Variants in TANC2 observed in about 807,000 individuals in gnomAD.
The protein encoded by TANC2 is protein TANC2.
In TANC2, 26 loss-of-function variants were observed where a neutral mutation model predicts 210.5. That is an observed-to-expected ratio of 0.12 (90% CI 0.09 to 0.17). The LOEUF is 0.17. TANC2 is among the 10% of genes least tolerant of loss of function. The pLI is 1.00. For synonymous variants in TANC2, 931 were observed against 967.1 expected, an observed-to-expected ratio of 0.96 and a Z score of 0.69; for missense variants, 2,129 against 2,608.9, an observed-to-expected ratio of 0.82 and a Z score of 4.01.
intron 2 of TANC2, among the ~76,000 whole-genome samples, chr17:63,055,622 G>A (rs541018651): frequency 1.6e-4 from 24 of 150,822 alleles, no homozygotes; most frequent in African/African-American, 5.6e-4. Flanking sequence ...TGTACTCTGG[G>A]GTAATCAGTA....
chr17:63,174,877 T>C (rs2040524420), intron 5 of TANC2, among the ~76,000 whole-genome samples: 1 of 152,202 alleles, frequency 6.6e-6, no homozygotes, highest in South Asian at 2.1e-4. Context: ...CAATTTAATT[T>C]ACAACAGCAT....
intron 3 of TANC2, chr17:63,088,707 T>G (rs1247890040): frequency 6.6e-6 from 1 of 152,238 alleles, no homozygotes; most frequent in Non-Finnish European, 1.5e-5. Flanking sequence ...TGAAGAAATT[T>G]ACACACTGAT....
intron 8 of TANC2, among the ~76,000 whole-genome samples, chr17:63,256,584 T>C (rs1379197273): frequency 6.6e-6 from 1 of 152,216 alleles, no homozygotes; most frequent in Non-Finnish European, 1.5e-5. Flanking sequence ...TTGGATGAAA[T>C]GTTCTGTAAA....
intron 1 of TANC2, among the ~76,000 whole-genome samples, chr17:62,994,560 A>C (rs961318641): frequency 1.3e-4 from 20 of 152,198 alleles, no homozygotes; most frequent in South Asian, 8.3e-4. Flanking sequence ...TTTCTTTTTT[A>C]ATCATGAAAG....
chr17:63,124,241 C>T (rs915211171), intron 4 of TANC2, among the ~76,000 whole-genome samples: 4 of 151,440 alleles, frequency 2.6e-5, no homozygotes, highest in Admixed American at 6.6e-5. Context: ...TATCTGTTCT[C>T]GGGGATCAAG....
chr17:63,195,235 A>T (rs1170625617), intron 6 of TANC2, among the ~76,000 whole-genome samples: 1 of 152,070 alleles, frequency 6.6e-6, no homozygotes, highest in Non-Finnish European at 1.5e-5. Context: ...TTTACTTGAA[A>T]TTTGTATATT....
At position 63,100,853 on chromosome 17, in the gene TANC2, A is replaced by C. The variant is rs1447468096; in HGVS notation, c.322+1496A>C. The stretch of plus-strand genomic sequence containing the variant: ...ATAACATACCTAATATCACAGAGGT[A>C]TTGTAGTGAAGCAGTAATGCAGAGT... On this transcript the variant is annotated intron_variant, in intron 4 of 27. Transcript: ENST00000689528. 4.6e-5 allele frequency among the ~76,000 whole-genome samples: 7 copies of C among 152,202 alleles called. No homozygotes were observed. In the South Asian group the frequency reaches 1.4e-3, roughly 31 times the overall value.
chr17:63,191,620 A>G (rs1409116405), intron 5 of TANC2, among the ~76,000 whole-genome samples: 1 of 151,134 alleles, frequency 6.6e-6, no homozygotes, highest in Non-Finnish European at 1.5e-5. Flanking sequence ...GCGCCACCAC[A>G]CCCAGCCAAT....
At chr17:63,399,648 T>C (rs1318166453) in intron 19 of TANC2, among the ~76,000 whole-genome samples, 2 of 152,202 alleles carry the variant, frequency 1.3e-5, no homozygotes, top group African/African-American at 4.8e-5. Flanking sequence ...ACCCCAGATA[T>C]GTGTGATATT....
rs374773640 is a variant in TANC2, at chr17:63,078,223, C to T, written c.139+4209C>T. Among the ~76,000 whole-genome samples, 8 of 152,074 alleles carry T rather than the reference C, an allele frequency of 5.3e-5. No homozygotes were observed. The East Asian group carries it at 9.6e-4, about 18-fold the overall frequency. ...ATAGGACTATTAAAATTATGTGTTT[C>T]TTCTTGAGAAACATTTTAATATCTG... On this transcript the variant is annotated intron_variant, in intron 3 of 27. Coordinates refer to ENST00000689528, the Ensembl canonical transcript of TANC2.
intron 5 of TANC2, among the ~76,000 whole-genome samples, chr17:63,159,439 A>G (rs544366951): frequency 6.6e-6 from 1 of 152,324 alleles, no homozygotes; most frequent in South Asian, 2.1e-4. Flanking sequence ...ATAAGAAAAT[A>G]TACATAATCC....
chr17:63,144,988 C>T (rs1014002869), intron 4 of TANC2, among the ~76,000 whole-genome samples: 1 of 151,710 alleles, frequency 6.6e-6, no homozygotes, highest in Non-Finnish European at 1.5e-5. Flanking sequence ...CTACCCTGTG[C>T]CAAAATGTCA....
In TANC2 at chr17:63,299,731, T is replaced by A. The variant is rs1290960860; in HGVS notation, c.1160-14657T>A. On this transcript the variant is annotated intron_variant, in intron 9 of 27. Coordinates refer to ENST00000689528, the Ensembl canonical transcript of TANC2. ...CAAATAGTTTCTCCCATTCTGTAGATTGCCTGTTCACTCTGATGATGGTTT... is the reference window on the plus strand; with the variant it reads ...CAAATAGTTTCTCCCATTCTGTAGAATGCCTGTTCACTCTGATGATGGTTT... Among the ~76,000 whole-genome samples the A allele has an allele frequency of 3.3e-5, 5 of 152,294 alleles. No homozygotes were observed. In the South Asian group the frequency reaches 1.0e-3, roughly 32 times the overall value.
In TANC2 at chr17:63,421,176, A is replaced by G. The variant is rs755826725; in HGVS notation, c.5446A>G (p.Lys1816Glu). 5 of 1,614,000 alleles carry G rather than the reference A, an allele frequency of 3.1e-6. No homozygotes were observed. Among genetic ancestry groups the G allele is most frequent in the Non-Finnish European group, 4.2e-6 (5 of 1,179,890 alleles). ...ATCCTATTACCCAGTCTGTCACTCAAAACTAGATCTGGAGCGCTCCTCCAG... is the reference window on the plus strand; with the variant it reads ...ATCCTATTACCCAGTCTGTCACTCAGAACTAGATCTGGAGCGCTCCTCCAG... The change falls in exon 28 of 28, where the codon AAA (lysine) becomes GAA (glutamate). Residue 1816 changes from lysine to glutamate, a missense_variant. Physicochemically the swap from Lys to Glu is moderately conservative, Grantham distance 56. Around this residue, in one of 5 missense-constraint regions of TANC2, gnomAD observed 584 missense variants for 627.3 expected, o/e 0.93. Coordinates refer to ENST00000689528, the Ensembl canonical transcript of TANC2. The surrounding 1 kb of genome is among the most constrained non-coding windows in gnomAD (Gnocchi z 6.9).
In TANC2 at chr17:63,237,801, C is replaced by CTTTTTT; in HGVS notation, c.770-9_770-4dup. The CTTTTTT allele has an allele frequency of 6.6e-7, 1 of 1,510,886 alleles. No homozygotes were observed. The highest frequency in any genetic ancestry group is 1.3e-5 in the South Asian group (1 of 78,480). The allele number at this position is 1,510,886 out of a possible 1,614,324, so 93.6% of individuals were successfully genotyped here. On this transcript the variant is annotated splice_polypyrimidine_tract_variant and intron_variant, in intron 7 of 27. Coordinates refer to ENST00000689528, the Ensembl canonical transcript of TANC2. ...GTGGCTTTATTAAATTCATTTTACT[C>CTTTTTT]TTTTTTTTTCAGCTACATTAACAAG...
intron 11 of TANC2, among the ~76,000 whole-genome samples, chr17:63,325,080 G>A (rs544006380): frequency 9.9e-5 from 14 of 142,050 alleles, no homozygotes; most frequent in East Asian, 2.2e-4. Context: ...GGCGGGGGGC[G>A]GGCAGGGGCA....
At chr17:63,227,536 C>CT (rs1348333717) in intron 7 of TANC2, among the ~76,000 whole-genome samples, 3 of 152,090 alleles carry the variant, frequency 2.0e-5, no homozygotes, top group African/African-American at 7.2e-5. Context: ...ATTACAAAAA[C>CT]TTTCTCCCAT....
intron 1 of TANC2, chr17:62,967,404 C>T (rs1241791166): frequency 2.0e-5 from 3 of 152,176 alleles, no homozygotes; most frequent in African/African-American, 7.2e-5. Context: ...GTTTTGCCAT[C>T]AGCGTGTAGA....
At chr17:63,364,267 TA>T (rs1265202733) in intron 14 of TANC2, among the ~76,000 whole-genome samples, 1 of 152,228 alleles carries the variant, frequency 6.6e-6, no homozygotes, top group Non-Finnish European at 1.5e-5. Context: ...GCATAAATCA[TA>T]GGATCGACAT....
Sources: allele counts gnomAD v4.1 joint callset (sites outside exome capture counted in the v4.1 genomes callset), GRCh38; gene constraint gnomAD v4.1.1; regional missense constraint gnomAD v4.1.1; non-coding constraint Gnocchi (gnomAD v3.1); transcripts MANE v1.5; gene names NCBI Gene and HGNC (gene_info 2026-07-23, HGNC 2026-07-21).